The following ABCA12 variants were observed in gnomAD, a reference collection of about 807,000 sequenced individuals.
The protein encoded by ABCA12 is glucosylceramide transporter ABCA12.
ABCA12 carries 156 observed loss-of-function variants against 293.5 expected under a neutral mutation model. The observed-to-expected ratio is 0.53, with a 90% CI of 0.47 to 0.61. The LOEUF (loss-of-function observed/expected upper bound fraction) is 0.61, where lower values mean the gene tolerates loss of function less well. Ranked by LOEUF, ABCA12 falls within the 20% of genes least tolerant of loss-of-function variation. The pLI is 0.00. For synonymous variants in ABCA12, 1,063 were observed against 1,108.0 expected, an observed-to-expected ratio of 0.96 and a Z score of 0.81; for missense variants, 2,797 against 3,090.2, an observed-to-expected ratio of 0.91 and a Z score of 2.25.
chr2:214,972,804 T>G (rs1699415803), intron 36 of ABCA12, among the ~76,000 whole-genome samples: 1 of 151,820 alleles, frequency 6.6e-6, no homozygotes, highest in Non-Finnish European at 1.5e-5. Context: ...ACTTCTGAAG[T>G]TAGCTAAATT....
At chr2:215,004,375 C>T (rs1700210616) in intron 19 of ABCA12, 76 bp from the exon 20 acceptor site, 1 of 1,020,198 alleles carries the variant, frequency 9.8e-7, no homozygotes, top group Non-Finnish European at 1.5e-6. Flanking sequence ...ATAACCACCA[C>T]AGTGAAGTGC....
intron 2 of ABCA12, among the ~76,000 whole-genome samples, chr2:215,100,556 T>G (rs926575489): frequency 2.8e-4 from 17 of 60,614 alleles, no homozygotes; most frequent in African/African-American, 1.2e-3. Flanking sequence ...GAGTTCCCAT[T>G]ATGTGCAAAG....
chr2:214,996,071 C>A (rs1700026554), intron 23 of ABCA12, among the ~76,000 whole-genome samples: 1 of 152,192 alleles, frequency 6.6e-6, no homozygotes, highest in East Asian at 1.9e-4. Context: ...GACTTTGACC[C>A]CAAGACAAAG....
rs1701574619 is a variant in ABCA12 at position 215,063,399 on chromosome 2, T to C, written c.317+667A>G. ...GTTGATTCAAGATTACAATATTGTT[T>C]TCAGTTCTGAAGACAGATAGGCTTC... On this transcript the variant is annotated intron_variant, in intron 3 of 52. Coordinates refer to ENST00000272895, the MANE Select transcript of ABCA12 (RefSeq NM_173076.3). Among the ~76,000 whole-genome samples the C allele has an allele frequency of 2.6e-5, 4 of 152,012 alleles. No homozygotes were observed. The South Asian group carries it at 8.3e-4, about 32-fold the overall frequency.
intron 6 of ABCA12, among the ~76,000 whole-genome samples, chr2:215,048,383 A>C (rs1701245718): frequency 6.6e-6 from 1 of 151,116 alleles, no homozygotes; most frequent in Non-Finnish European, 1.5e-5. Flanking sequence ...TAACTGCAGC[A>C]CTAGTCACAA....
intron 37 of ABCA12, 116 bp downstream of exon 37, chr2:214,970,155 CTG>C (rs1699354385): frequency 1.2e-5 from 13 of 1,049,602 alleles, no homozygotes; most frequent in South Asian, 3.8e-5. Flanking sequence ...TTAAATAAAA[CTG>C]AGAATTTAAC....
Position 215,011,772 on chromosome 2 carries a change from A to G in ABCA12, c.2122-123T>C, listed in dbSNP as rs935943115. On this transcript the variant is annotated intron_variant, in intron 16 of 52. Transcript: ENST00000272895. ...TTACAGTTTCCATAATTCCTTTTAT[A>G]TGTTTATTCCAAATGTAAATGAAGA... 4.3e-6 allele frequency: 5 copies of G among 1,167,346 alleles called. No individual in the cohort carries two copies. The African/African-American group carries it at 7.8e-5, about 18-fold the overall frequency. 72.3% of individuals were successfully genotyped at this position (1,167,346 alleles called of 1,614,324 possible).
intron 1 of ABCA12, among the ~76,000 whole-genome samples, chr2:215,128,139 G>A (rs1047801046): frequency 1.3e-5 from 2 of 152,164 alleles, no homozygotes; most frequent in African/African-American, 4.8e-5. Flanking sequence ...ATCTCTTCTA[G>A]CTTGTAGGGT....
intron 20 of ABCA12, 56 bp downstream of exon 20, chr2:215,004,153 G>T: frequency 7.0e-7 from 1 of 1,420,390 alleles, no homozygotes; most frequent in Non-Finnish European, 9.9e-7. Flanking sequence ...ATGGAACAAT[G>T]TTGTTTATAT....
At chr2:215,000,586 A>G (rs1700122855) in intron 22 of ABCA12, 119 bp downstream of exon 22, 7 of 1,157,354 alleles carry the variant, frequency 6.0e-6, no homozygotes, top group African/African-American at 1.5e-5. Context: ...CAAAACAAGC[A>G]TATTACAAAA....
chr2:214,945,334 G>A (rs764168975), intron 48 of ABCA12, among the ~76,000 whole-genome samples: 21 of 152,146 alleles, frequency 1.4e-4, no homozygotes, highest in Admixed American at 5.9e-4. Context: ...TTGACACCCT[G>A]TTACTTTACA....
At chr2:214,933,507 A>C (rs3886119) in intron 52 of ABCA12, among the ~76,000 whole-genome samples, 1 of 152,162 alleles carries the variant, frequency 6.6e-6, no homozygotes, top group African/African-American at 2.4e-5. Flanking sequence ...CAAACTTTCT[A>C]TATGTCATGT....
rs200049482 is a variant in ABCA12 at position 214,959,085 on chromosome 2, G to A, written c.5885-7C>T. 3.7e-6 allele frequency: 6 copies of A among 1,613,316 alleles called. No individual in the cohort carries two copies. The highest frequency in any genetic ancestry group is 5.1e-6 in the Non-Finnish European group (6 of 1,179,338). ...TGGCTATACATGATGATGCCTTAAA[G>A]ACGAAACAGTTCTTCTATTAGTAGG... is the stretch of plus-strand genomic sequence containing the variant. On this transcript the variant is annotated splice_polypyrimidine_tract_variant and splice_region_variant and intron_variant, in intron 39 of 52. Transcript: ENST00000272895.
At chr2:215,028,965 C>G (rs1052047682) in intron 9 of ABCA12, 4 of 152,074 alleles carry the variant, frequency 2.6e-5, no homozygotes, top group Admixed American at 2.6e-4. Context: ...TAAAGATAAG[C>G]TGGAAGATGG....
chr2:214,981,980 T>G (rs570726651), intron 30 of ABCA12, among the ~76,000 whole-genome samples: 2 of 139,918 alleles, frequency 1.4e-5, no homozygotes, highest in East Asian at 4.0e-4. Flanking sequence ...TTATTATTAT[T>G]ATTATTTTAT....
At chr2:214,945,215 C>T (rs1005020323) in intron 48 of ABCA12, 111 bp from the exon 49 acceptor site, 11 of 847,888 alleles carry the variant, frequency 1.3e-5, no homozygotes, top group Non-Finnish European at 1.9e-6. Flanking sequence ...TTTCGAGGTC[C>T]TGTGACTAAC....
intron 28 of ABCA12, among the ~76,000 whole-genome samples, chr2:214,986,027 G>A (rs903313210): frequency 3.9e-5 from 6 of 152,176 alleles, no homozygotes; most frequent in Admixed American, 3.3e-4. Context: ...TTCTTTATGA[G>A]TCAAGGCAAA....
intron 11 of ABCA12, chr2:215,022,333 A>G (rs969601153): frequency 1.3e-5 from 2 of 152,214 alleles, no homozygotes; most frequent in Non-Finnish European, 1.5e-5. Flanking sequence ...CACTGTGGCT[A>G]ATAGGCTTGG....
In ABCA12 at chr2:215,030,558, G is replaced by C. The variant is rs374741213; in HGVS notation, c.1061+1263C>G. On this transcript the variant is annotated intron_variant, in intron 9 of 52. Transcript: ENST00000272895. ...GGCGGAGCTTGCAGTGAGCCGAGAT[G>C]GCGCCACTGCACTCCAGCCTGGGCG... Among the ~76,000 whole-genome samples the C allele has an allele frequency of 9.3e-5, 14 of 151,294 alleles. No individual in the cohort carries two copies. The East Asian group carries it at 2.0e-3, about 21-fold the overall frequency.
Sources: gnomAD v4.1 joint callset for allele counts (sites outside exome capture counted in the v4.1 genomes callset) on GRCh38, gnomAD v4.1.1 for gene constraint, MANE v1.5 for transcripts, NCBI Gene and HGNC (gene_info 2026-07-23, HGNC 2026-07-21) for gene names.